Variants in TECPR2 observed in about 807,000 individuals in gnomAD.
TECPR2 encodes tectonin beta-propeller repeat-containing protein 2.
Under a neutral mutation model 138.1 loss-of-function variants are expected in TECPR2, and 65 were observed. The ratio of observed to expected loss-of-function variants is 0.47; its 90% CI spans 0.39 to 0.58. The LOEUF (loss-of-function observed/expected upper bound fraction) is 0.58. TECPR2 is among the 20% of genes least tolerant of loss of function. The pLI is 0.00. For synonymous variants in TECPR2, 746 were observed against 749.8 expected (o/e 0.99, Z 0.08); for missense variants, 1,553 against 1,824.5 (o/e 0.85, Z 2.71).
chr14:102,371,396 T>C (rs1567312472), intron 1 of TECPR2, among the ~76,000 whole-genome samples: 1 of 152,190 alleles, frequency 6.6e-6, no homozygotes, highest in Non-Finnish European at 1.5e-5. Context: ...GGAGGACAGT[T>C]TTGCTGGGAG....
At position 102,440,521 on chromosome 14, in the gene TECPR2, C is replaced by T. The variant is rs776185972; in HGVS notation, c.2664C>T (p.Tyr888=). The part of the protein sequence containing the change: ...KVTIKGKRHW[Y]EALPQAVFVA... The stretch of plus-strand genomic sequence containing the variant: ...CCATCAAGGGGAAGCGGCACTGGTA[C>T]GAAGCCCTGCCCCAGGCAGTGTTTG... The change falls in exon 11 of 20, where the codon TAC becomes TAT. Residue 888 remains tyrosine, a synonymous_variant. Coordinates refer to ENST00000359520, the MANE Select transcript of TECPR2 (RefSeq NM_014844.5). The T allele has an allele frequency of 1.9e-5, 30 of 1,614,036 alleles. No individual in the cohort carries two copies. Among genetic ancestry groups the T allele is most frequent in the African/African-American group, 9.3e-5 (7 of 74,906 alleles).
chr14:102,409,771 A>G (rs1888771391), intron 4 of TECPR2, among the ~76,000 whole-genome samples: 1 of 152,174 alleles, frequency 6.6e-6, no homozygotes, highest in Non-Finnish European at 1.5e-5. Flanking sequence ...TCTACCAAGT[A>G]CACCATGTTA....
intron 1 of TECPR2, among the ~76,000 whole-genome samples, chr14:102,372,394 T>A (rs903263085): frequency 6.6e-6 from 1 of 152,130 alleles, no homozygotes; most frequent in African/African-American, 2.4e-5. Context: ...GCCTCCCAAG[T>A]GGCTGGGATT....
At chr14:102,477,136 A>G (rs1390764170) in intron 17 of TECPR2, among the ~76,000 whole-genome samples, 1 of 152,222 alleles carries the variant, frequency 6.6e-6, no homozygotes, top group Non-Finnish European at 1.5e-5. Context: ...TTGGGAGGCC[A>G]GGGCGGGTGG....
At chr14:102,480,841 G>GTTTTTTT (rs71119706) in intron 17 of TECPR2, among the ~76,000 whole-genome samples, 12 of 75,206 alleles carry the variant, frequency 1.6e-4, no homozygotes, top group Non-Finnish European at 2.1e-4. Flanking sequence ...TTGGTTTTGG[G>GTTTTTTT]TTTTTTTTTT....
At chr14:102,491,186 G>A (rs550260989) in intron 17 of TECPR2, among the ~76,000 whole-genome samples, 1 of 151,998 alleles carries the variant, frequency 6.6e-6, no homozygotes, top group Non-Finnish European at 1.5e-5. Flanking sequence ...GAGCCACCGC[G>A]CTCAGCCCAC....
In TECPR2 at chr14:102,482,674, T is replaced by C. The variant is rs568757477; in HGVS notation, c.3790-14305T>C. 2.6e-5 allele frequency among the ~76,000 whole-genome samples: 4 copies of C among 152,288 alleles called. No individual in the cohort carries two copies. In the South Asian group the frequency reaches 8.3e-4, roughly 32 times the overall value. ...CAAGGAAGGGTTCATGGTTGGTGAC[T>C]TTTTGGAGGTATTGCATGTCTGAAA... On this transcript the variant is annotated intron_variant, in intron 17 of 19. Coordinates refer to ENST00000359520, the MANE Select transcript of TECPR2 (RefSeq NM_014844.5).
At chr14:102,393,695 A>T (rs911473570) in intron 2 of TECPR2, among the ~76,000 whole-genome samples, 6 of 152,116 alleles carry the variant, frequency 3.9e-5, no homozygotes, top group African/African-American at 1.4e-4. Flanking sequence ...AGTAGCTGAG[A>T]TTACAGGTGC....
At position 102,363,002 on chromosome 14, in the gene TECPR2, C is replaced by A. The variant is rs1015529501; in HGVS notation, c.-187C>A. 2 of 1,036,254 alleles carry A rather than the reference C, an allele frequency of 1.9e-6. No individual in the cohort carries two copies. The highest frequency in any genetic ancestry group is 2.8e-6 in the Non-Finnish European group (2 of 709,084). The allele number at this position is 1,036,254 out of a possible 1,614,324, so 64.2% of individuals were successfully genotyped here. A position where few individuals can be genotyped will look rare whatever the true frequency, so the allele number is the denominator to read the frequency against. ...AGCTGCTGCTCTTCGGTGCTGGCCC[C>A]GGTGCCGGCCCCGTTGCCCAGGGAA... On this transcript the variant is annotated 5_prime_UTR_variant, in exon 1 of 20. Coordinates refer to ENST00000359520, the MANE Select transcript of TECPR2 (RefSeq NM_014844.5).
At position 102,452,463 on chromosome 14, in the gene TECPR2, G is replaced by A. The variant is rs753373019; in HGVS notation, c.3476G>A (p.Arg1159Gln). The change falls in exon 16 of 20, where the codon CGG becomes CAG. Residue 1159 changes from arginine (R) to glutamine (Q), a missense_variant. Physicochemically the swap from Arg to Gln is conservative, Grantham distance 43. Transcript: ENST00000359520. ...CSVSAQSAQS[R>Q]PSTVQLPPEA... ...GTCAGCGCCCAGAGCGCACAGTCGC[G>A]GCCCTCCACGGTGCAGCTGCCTCCC... 3.7e-6 allele frequency: 6 copies of A among 1,613,684 alleles called. No individual in the cohort carries two copies. The highest frequency in any genetic ancestry group is 2.2e-5 in the East Asian group (1 of 44,878).
chr14:102,434,937 G>A lies in TECPR2; in HGVS notation c.2120G>A (p.Gly707Asp), dbSNP rs780544453. 6.2e-7 allele frequency: 1 copy of A among 1,613,924 alleles called. No individual in the cohort carries two copies. The highest frequency in any genetic ancestry group is 1.1e-5 in the South Asian group (1 of 91,090). The change falls in exon 9 of 20, where the codon GGT becomes GAT. Residue 707 changes from glycine to aspartate, a missense_variant. Gly to Asp is a moderately conservative substitution (Grantham distance 94). Coordinates refer to ENST00000359520, the MANE Select transcript of TECPR2 (RefSeq NM_014844.5). ...LWHAVTDDDT[G>D]QKEIPISERV... Reference sequence around the variant, plus strand: ...CATGCTGTCACTGATGATGACACAGGTCAGAAAGAAATACCCATTTCTGAA... The same window carrying A: ...CATGCTGTCACTGATGATGACACAGATCAGAAAGAAATACCCATTTCTGAA...
intron 6 of TECPR2, among the ~76,000 whole-genome samples, chr14:102,426,413 A>G (rs750410904): frequency 5.9e-5 from 9 of 152,024 alleles, no homozygotes; most frequent in Non-Finnish European, 1.3e-4. Flanking sequence ...TCTTTTTAAA[A>G]TAAACTCCCT....
At chr14:102,417,836 C>T (rs1405966296) in intron 5 of TECPR2, among the ~76,000 whole-genome samples, 1 of 137,976 alleles carries the variant, frequency 7.2e-6, no homozygotes, top group African/African-American at 2.8e-5. Context: ...CCAGGGGAGC[C>T]GTGGGGAGGC....
chr14:102,483,786 CT>C (rs932583672), intron 17 of TECPR2, among the ~76,000 whole-genome samples: 2 of 109,392 alleles, frequency 1.8e-5, no homozygotes, highest in African/African-American at 3.8e-5. Context: ...CCTCCTTTTC[CT>C]TTTCTTTTTT....
chr14:102,368,690 C>T (rs1019609570), intron 1 of TECPR2, among the ~76,000 whole-genome samples: 6 of 151,242 alleles, frequency 4.0e-5, no homozygotes, highest in Non-Finnish European at 5.9e-5. Context: ...GGAGCACAAG[C>T]GTTTTTCATT....
At position 102,435,063 on chromosome 14, in the gene TECPR2, T is replaced by G. The variant is rs747719884; in HGVS notation, c.2246T>G (p.Leu749Trp). 9 of 1,614,052 alleles carry G rather than the reference T, an allele frequency of 5.6e-6. No individual in the cohort carries two copies. The highest frequency in any genetic ancestry group is 3.3e-4 in the Middle Eastern group (2 of 6,062). ...WLEQPPRDQT[L>W]TSSDEEDIYA... ...GAGCAGCCTCCACGGGATCAGACAT[T>G]GACGTCCAGCGATGAGGAGGACATC... Residue 749 changes from leucine (L) to tryptophan (W), a missense_variant, in exon 9 of 20, where the codon TTG becomes TGG. Coordinates refer to ENST00000359520, the MANE Select transcript of TECPR2 (RefSeq NM_014844.5).
In TECPR2 at chr14:102,385,146, G is replaced by A. The variant is rs185638700; in HGVS notation, c.219+8206G>A. On this transcript the variant is annotated intron_variant, in intron 2 of 19. Coordinates refer to ENST00000359520, the MANE Select transcript of TECPR2 (RefSeq NM_014844.5). ...TGCTGGAATTACAGGCATGAGCCACGGCACCCGGCTCTTTTTCTTTTAGTA... is the reference window on the plus strand; with the variant it reads ...TGCTGGAATTACAGGCATGAGCCACAGCACCCGGCTCTTTTTCTTTTAGTA... Among the ~76,000 whole-genome samples the A allele has an allele frequency of 3.9e-5, 6 of 151,900 alleles. No individual in the cohort carries two copies. In the East Asian group the frequency reaches 5.8e-4, roughly 15 times the overall value.
At chr14:102,427,573 A>G (rs1595119326) in intron 6 of TECPR2, among the ~76,000 whole-genome samples, 1 of 152,346 alleles carries the variant, frequency 6.6e-6, no homozygotes, top group South Asian at 2.1e-4. Flanking sequence ...ACTTGCTTTA[A>G]GTCAGTGTGG....
At chr14:102,483,690 C>A (rs1473294439) in intron 17 of TECPR2, among the ~76,000 whole-genome samples, 3 of 151,926 alleles carry the variant, frequency 2.0e-5, no homozygotes, top group African/African-American at 7.3e-5. Flanking sequence ...GCAATCCTGC[C>A]ACCTTGGCCT....
Sources: allele counts gnomAD v4.1 joint callset (sites outside exome capture counted in the v4.1 genomes callset), GRCh38; gene constraint gnomAD v4.1.1; transcripts MANE v1.5; gene names NCBI Gene and HGNC (gene_info 2026-07-23, HGNC 2026-07-21).